The following PRTG variants were observed in gnomAD, a reference collection of about 807,000 sequenced individuals.
PRTG encodes the protein immunoglobulin superfamily, DCC subclass, member 5.
PRTG carries 67 observed loss-of-function variants against 122.5 expected under a neutral mutation model. The observed-to-expected ratio is 0.55, with a 90% CI of 0.45 to 0.67. The LOEUF (loss-of-function observed/expected upper bound fraction) is 0.67. Ranked by LOEUF, PRTG falls within the 30% of genes least tolerant of loss-of-function variation. The probability of loss-of-function intolerance (pLI) is 0.00; values close to 1 mark genes in which losing one functional copy is unlikely to be tolerated. For missense variants in PRTG, 1,435 were observed against 1,415.4 expected (o/e 1.01, Z -0.22); for synonymous variants, 554 against 501.1 (o/e 1.11, Z -1.41).
chr15:55,738,908 G>A (rs747708730), intron 2 of PRTG, among the ~76,000 whole-genome samples: 117 of 132,104 alleles, frequency 8.9e-4, no homozygotes, highest in Non-Finnish European at 6.6e-4. Flanking sequence ...AGGGGGAAGG[G>A]AAGGGGGAGG....
chr15:55,690,107 A>C (rs1318438560), intron 2 of PRTG, among the ~76,000 whole-genome samples: 1 of 152,178 alleles, frequency 6.6e-6, no homozygotes, highest in Non-Finnish European at 1.5e-5. Context: ...TCACATATTA[A>C]TATTGATCCC....
chr15:55,618,215 AC>A lies in PRTG; in HGVS notation c.*1796del, dbSNP rs2059149267. 6.6e-6 allele frequency: 1 copy of A among 152,222 alleles called. No individual in the cohort carries two copies. Among genetic ancestry groups the A allele is most frequent in the Non-Finnish European group, 1.5e-5 (1 of 68,038 alleles). The allele number at this position is 152,222 out of a possible 1,614,324, so 9.4% of individuals were successfully genotyped here. On this transcript the variant is annotated 3_prime_UTR_variant, in exon 20 of 20. Coordinates refer to ENST00000389286, the MANE Select transcript of PRTG (RefSeq NM_173814.6). ...TAGTCTTAATCACATCCAGTTTGGC[AC>A]AAAATTACAGATTTAAAAAAATTAA... is the stretch of plus-strand genomic sequence containing the variant.
At chr15:55,626,816 C>T (rs868830032) in intron 17 of PRTG, among the ~76,000 whole-genome samples, 192 bp downstream of exon 17, 2 of 152,018 alleles carry the variant, frequency 1.3e-5, no homozygotes, top group Middle Eastern at 3.2e-3. Context: ...TGTTTTCAAA[C>T]AGCAAGAAAA....
intron 12 of PRTG, among the ~76,000 whole-genome samples, chr15:55,640,364 C>T (rs2059282748): frequency 6.6e-6 from 1 of 152,298 alleles, no homozygotes; most frequent in East Asian, 1.9e-4. Flanking sequence ...TATGGGACCA[C>T]TGTCACATAT....
At chr15:55,725,274 T>C (rs1320256541) in intron 2 of PRTG, among the ~76,000 whole-genome samples, 1 of 151,796 alleles carries the variant, frequency 6.6e-6, no homozygotes, top group Non-Finnish European at 1.5e-5. Context: ...ACACACAAAA[T>C]ATAAACTAAA....
chr15:55,712,730 C>T (rs1178929786), intron 2 of PRTG, among the ~76,000 whole-genome samples: 1 of 152,030 alleles, frequency 6.6e-6, no homozygotes, highest in Non-Finnish European at 1.5e-5. Flanking sequence ...CTTTTTGATC[C>T]ACAACTTCAT....
At chr15:55,629,385 G>A (rs908534500) in intron 15 of PRTG, among the ~76,000 whole-genome samples, 44 of 86,682 alleles carry the variant, frequency 5.1e-4, no homozygotes, top group African/African-American at 2.6e-3. Context: ...ATGTGTGTGT[G>A]TGTGTGTGTG....
intron 15 of PRTG, among the ~76,000 whole-genome samples, chr15:55,634,867 T>G (rs1248816363): frequency 1.3e-5 from 2 of 151,306 alleles, no homozygotes; most frequent in African/African-American, 4.8e-5. Flanking sequence ...TGTGGTAGAC[T>G]GTAATACTGA....
intron 11 of PRTG, among the ~76,000 whole-genome samples, chr15:55,653,215 T>A (rs914985701): frequency 2.6e-5 from 4 of 152,268 alleles, no homozygotes; most frequent in Middle Eastern, 3.4e-3. Context: ...TCTCAAACTT[T>A]CCCTGTGTAT....
At position 55,637,208 on chromosome 15, in the gene PRTG, G is replaced by T; in HGVS notation, c.2585C>A (p.Ala862Asp). The part of the protein sequence containing the change: ...RYTILYASRK[A>D]WIAGEWQVLH... ...GACCTGCCACTCTCCTGCAATCCAG[G>T]CCTTCCTAGATGCATATAAGATAGT... is the stretch of plus-strand genomic sequence containing the variant. Residue 862 changes from alanine to aspartate, a missense_variant, in exon 15 of 20, where the codon GCC becomes GAC. Coordinates refer to ENST00000389286, the MANE Select transcript of PRTG (RefSeq NM_173814.6). 7 of 1,609,156 alleles carry T rather than the reference G, an allele frequency of 4.4e-6. No homozygotes were observed. The highest frequency in any genetic ancestry group is 5.9e-6 in the Non-Finnish European group (7 of 1,177,950).
At chr15:55,702,817 C>T (rs917137863) in intron 2 of PRTG, 3 of 655,704 alleles carry the variant, frequency 4.6e-6, no homozygotes, top group Non-Finnish European at 5.7e-6. Flanking sequence ...CACACACACA[C>T]ACAACCTGAA....
chr15:55,709,145 CAAAAAAAAAA>C (rs3985769), intron 2 of PRTG, among the ~76,000 whole-genome samples: 18 of 51,848 alleles, frequency 3.5e-4, no homozygotes, highest in African/African-American at 1.1e-3. Flanking sequence ...GACTCTGTCT[CAAAAAAAAAA>C]AAAAAAAAAA....
At chr15:55,737,842 A>C (rs959172843) in intron 2 of PRTG, among the ~76,000 whole-genome samples, 1 of 151,880 alleles carries the variant, frequency 6.6e-6, no homozygotes, top group South Asian at 2.1e-4. Flanking sequence ...GTACAACCAA[A>C]AAAATATGCT....
rs2059140743 is a variant in PRTG, at chr15:55,616,101, A to G, written c.*3911T>C. 1 of 152,160 alleles carries G rather than the reference A, an allele frequency of 6.6e-6. No homozygotes were observed. Among genetic ancestry groups the G allele is most frequent in the African/African-American group, 2.4e-5 (1 of 41,452 alleles). 9.4% of individuals were successfully genotyped at this position (152,160 alleles called of 1,614,324 possible). On this transcript the variant is annotated 3_prime_UTR_variant, in exon 20 of 20. Transcript: ENST00000389286. ...TTTGGTATGGCAAAACTGATTTTTA[A>G]AAGTCACTTAATGGATAAAGCTGTA...
chr15:55,657,174 T>C (rs965719273), intron 11 of PRTG, among the ~76,000 whole-genome samples: 1 of 152,132 alleles, frequency 6.6e-6, no homozygotes, highest in East Asian at 1.9e-4. Context: ...AGAATAGAGA[T>C]ATGCACAGAA....
chr15:55,625,712 C>G (rs554587901), intron 17 of PRTG, among the ~76,000 whole-genome samples: 4 of 151,786 alleles, frequency 2.6e-5, no homozygotes, highest in Admixed American at 6.6e-5. Flanking sequence ...CAAGCTCCCC[C>G]TCCCGGGTTC....
At chr15:55,703,480 C>T (rs1444717281) in intron 2 of PRTG, among the ~76,000 whole-genome samples, 1 of 151,978 alleles carries the variant, frequency 6.6e-6, no homozygotes, top group Non-Finnish European at 1.5e-5. Flanking sequence ...TTATGAAGAA[C>T]ACCAGAAGTA....
intron 11 of PRTG, among the ~76,000 whole-genome samples, chr15:55,650,038 T>G (rs117321578): frequency 1.2e-3 from 186 of 152,286 alleles, no homozygotes; most frequent in Non-Finnish European, 2.3e-3. Flanking sequence ...ATAGGTGTCT[T>G]TTAGTGCTAA....
At chr15:55,627,160 A>G in intron 16 of PRTG, 32 bp from the exon 17 acceptor site, 4 of 1,482,728 alleles carry the variant, frequency 2.7e-6, no homozygotes, top group Middle Eastern at 3.5e-4. Context: ...CTCAGAATCA[A>G]TCAGAAAAAT....
Sources: gnomAD v4.1 joint callset for allele counts (sites outside exome capture counted in the v4.1 genomes callset) on GRCh38, gnomAD v4.1.1 for gene constraint, MANE v1.5 for transcripts, NCBI Gene and HGNC (gene_info 2026-07-23, HGNC 2026-07-21) for gene names.